Variants in SPON1 observed in about 807,000 individuals in gnomAD.
SPON1 encodes the protein spondin-1.
SPON1 carries 52 observed loss-of-function variants against 111.7 expected under a neutral mutation model. The observed-to-expected ratio is 0.47, with a 90% CI of 0.37 to 0.59. SPON1 has a LOEUF of 0.59. Among genes scored for constraint, SPON1 ranks in the 20% least tolerant of loss-of-function variants. The pLI, the probability that SPON1 is intolerant of heterozygous loss-of-function variation, is 0.00. For missense variants in SPON1, 957 were observed against 1,068.5 expected (o/e 0.90, Z 1.46); for synonymous variants, 410 against 395.8 (o/e 1.04, Z -0.43).
chr11:14,124,145 C>T (rs1847429746), intron 5 of SPON1, among the ~76,000 whole-genome samples: 2 of 152,092 alleles, frequency 1.3e-5, no homozygotes, highest in South Asian at 4.1e-4. Flanking sequence ...GCCTGGCTGA[C>T]TGATCTCATC....
chr11:14,103,583 T>TA (rs776825828), intron 5 of SPON1, among the ~76,000 whole-genome samples: 16 of 152,190 alleles, frequency 1.1e-4, no homozygotes, highest in Non-Finnish European at 2.1e-4. Flanking sequence ...TTTTCCTGGG[T>TA]CAGGATAGCC....
intron 6 of SPON1, among the ~76,000 whole-genome samples, chr11:14,166,462 C>T (rs1387860448): frequency 3.3e-5 from 5 of 152,164 alleles, no homozygotes; most frequent in Non-Finnish European, 7.4e-5. Flanking sequence ...AACACATTAG[C>T]TCTCCATGAG....
At chr11:14,069,450 C>A (rs1848858201) in intron 3 of SPON1, among the ~76,000 whole-genome samples, 1 of 152,162 alleles carries the variant, frequency 6.6e-6, no homozygotes, top group South Asian at 2.1e-4. Context: ...TCAGTTCTGA[C>A]CTTCAGAGCC....
chr11:14,169,535 GC>G (rs1848071901), intron 6 of SPON1, among the ~76,000 whole-genome samples: 1 of 151,576 alleles, frequency 6.6e-6, no homozygotes, highest in South Asian at 2.1e-4. Flanking sequence ...GGCTTTTGTT[GC>G]CATTGCTTTT....
At chr11:14,048,059 G>A (rs1848682516) in intron 3 of SPON1, among the ~76,000 whole-genome samples, 1 of 152,160 alleles carries the variant, frequency 6.6e-6, no homozygotes, top group African/African-American at 2.4e-5. Context: ...GGCCAACATG[G>A]TGAAACCCTG....
chr11:14,028,299 T>C (rs1022717184), intron 2 of SPON1, among the ~76,000 whole-genome samples: 53 of 151,972 alleles, frequency 3.5e-4, no homozygotes, highest in African/African-American at 1.2e-3. Context: ...CTGGGCAACA[T>C]AGACCTCATC....
intron 2 of SPON1, among the ~76,000 whole-genome samples, chr11:14,022,423 T>G (rs1284026809): frequency 1.3e-5 from 2 of 152,218 alleles, no homozygotes; most frequent in South Asian, 2.1e-4. Context: ...ACTCTGAGGT[T>G]GTTTTGCTGG....
intron 1 of SPON1, among the ~76,000 whole-genome samples, chr11:13,966,373 T>A (rs2133771637): frequency 6.6e-6 from 1 of 152,244 alleles, no homozygotes; most frequent in African/African-American, 2.4e-5. Context: ...GACCAGCCTT[T>A]CCCAGATCAC....
In SPON1 at chr11:13,982,885, T is replaced by G; in HGVS notation, c.277T>G (p.Phe93Val). 1 of 1,562,472 alleles carries G rather than the reference T, an allele frequency of 6.4e-7. No homozygotes were observed. The change falls in exon 2 of 16, where the codon TTC (phenylalanine) becomes GTC (valine). Residue 93 changes from phenylalanine to valine, a missense_variant. Physicochemically the swap from Phe to Val is conservative, Grantham distance 50. Transcript: ENST00000576479. ...TGCTCCTCCCTCCTACTTCAGAGGA[T>G]TCACATTAATTGCCCTCAGAGAGAA... The part of the protein sequence containing the change: ...SAAPPSYFRG[F>V]TLIALRENRE...
intron 7 of SPON1, among the ~76,000 whole-genome samples, chr11:14,248,159 C>A (rs1849012386): frequency 6.6e-6 from 1 of 152,010 alleles, no homozygotes; most frequent in Non-Finnish European, 1.5e-5. Context: ...CTACAGGAAG[C>A]CCTTTGGGTT....
chr11:14,147,115 C>T (rs945552691), intron 6 of SPON1, among the ~76,000 whole-genome samples: 1 of 144,564 alleles, frequency 6.9e-6, no homozygotes, highest in African/African-American at 2.6e-5. Flanking sequence ...CTGCAGCCTC[C>T]ACCTCCCGGG....
At chr11:14,158,820 T>C (rs1435757479) in intron 6 of SPON1, among the ~76,000 whole-genome samples, 21 of 152,166 alleles carry the variant, frequency 1.4e-4, no homozygotes, top group Admixed American at 9.8e-4. Flanking sequence ...GTATCTCTTC[T>C]TTAAGTACTT....
At chr11:14,111,985 A>T (rs78265639) in intron 5 of SPON1, among the ~76,000 whole-genome samples, 2,993 of 152,196 alleles carry the variant, frequency 0.02, 97 homozygotes, top group African/African-American at 0.068. Context: ...ACTTGGAAAG[A>T]ACCTCATACC....
At chr11:13,974,528 C>T (rs1199479817) in intron 1 of SPON1, among the ~76,000 whole-genome samples, 1 of 152,058 alleles carries the variant, frequency 6.6e-6, no homozygotes, top group Non-Finnish European at 1.5e-5. Flanking sequence ...ATTTGAAAGA[C>T]CCAGAAAGCT....
Position 14,139,709 on chromosome 11 carries a change from A to AATATATATATAT in SPON1, c.825+4146_825+4157dup, listed in dbSNP as rs57464043. 1.1e-3 allele frequency among the ~76,000 whole-genome samples: 165 copies of AATATATATATAT among 145,464 alleles called. No individual in the cohort carries two copies. In the South Asian group the frequency reaches 0.017, roughly 15 times the overall value. On this transcript the variant is annotated intron_variant, in intron 6 of 15. Transcript: ENST00000576479. ...CAGTGGAGAAAAGGAAAACATGTAA[A>AATATATATATAT]ATATATATATATATATTTAAGTGAA...
chr11:14,205,645 C>T (rs11023140), intron 6 of SPON1, among the ~76,000 whole-genome samples: 50,822 of 151,934 alleles, frequency 0.33, 8,868 homozygotes, highest in Admixed American at 0.43. Flanking sequence ...CCATGGACAA[C>T]AACAGTCTTT....
At chr11:13,983,637 G>A (rs782437173) in intron 2 of SPON1, among the ~76,000 whole-genome samples, 14 of 152,174 alleles carry the variant, frequency 9.2e-5, no homozygotes, top group African/African-American at 1.2e-4. Context: ...CAAGGGAAGT[G>A]GTAGGAACGT....
intron 2 of SPON1, among the ~76,000 whole-genome samples, chr11:13,996,724 T>TATATATATAC (rs569794197): frequency 0.01 from 1,536 of 152,024 alleles, 28 homozygotes; most frequent in African/African-American, 0.035. Context: ...TATATATATA[T>TATATATATAC]ACACACACAC....
At chr11:14,113,634 G>T (rs1165328524) in intron 5 of SPON1, among the ~76,000 whole-genome samples, 6 of 111,958 alleles carry the variant, frequency 5.4e-5, no homozygotes, top group Admixed American at 3.7e-4. Flanking sequence ...ACGGAGTCTC[G>T]CTCTGTCGCC....
Sources: gnomAD v4.1 joint callset for allele counts (sites outside exome capture counted in the v4.1 genomes callset) on GRCh38, gnomAD v4.1.1 for gene constraint, MANE v1.5 for transcripts, NCBI Gene and HGNC (gene_info 2026-07-23, HGNC 2026-07-21) for gene names.